The following PPP1R12B variants were observed in gnomAD, a reference collection of about 807,000 sequenced individuals.
PPP1R12B encodes protein phosphatase 1 regulatory subunit 12B.
In PPP1R12B, 76 loss-of-function variants were observed where a neutral mutation model predicts 126.1. The observed-to-expected ratio is 0.60, with a 90% CI of 0.50 to 0.73. The LOEUF (loss-of-function observed/expected upper bound fraction) is 0.73, where lower values mean the gene tolerates loss of function less well. Ranked by LOEUF, PPP1R12B falls within the 30% of genes least tolerant of loss-of-function variation. The probability of loss-of-function intolerance (pLI) is 0.00; values close to 1 mark genes in which losing one functional copy is unlikely to be tolerated. For missense variants in PPP1R12B, 1,052 were observed against 1,205.1 expected (o/e 0.87, Z 1.88); for synonymous variants, 356 against 434.7 (o/e 0.82, Z 2.25).
intron 1 of PPP1R12B, among the ~76,000 whole-genome samples, chr1:202,382,651 T>C (rs1172356518): frequency 6.7e-6 from 1 of 150,208 alleles, no homozygotes; most frequent in East Asian, 2.0e-4. Flanking sequence ...CTGAGGGGGG[T>C]GGATCATTTG....
At chr1:202,439,753 C>T (rs1366050594) in intron 10 of PPP1R12B, 4 of 534,474 alleles carry the variant, frequency 7.5e-6, no homozygotes, top group Non-Finnish European at 1.4e-5. Context: ...GAGGAATGCG[C>T]AGAGTGAGGG....
intron 13 of PPP1R12B, chr1:202,473,804 A>G (rs1217220283): frequency 2.4e-5 from 11 of 453,020 alleles, no homozygotes; most frequent in Non-Finnish European, 4.1e-5. Context: ...GGCTTGCTGT[A>G]TAGCAGTGGC....
At chr1:202,401,339 A>G (rs1469314967) in intron 1 of PPP1R12B, among the ~76,000 whole-genome samples, 2 of 140,428 alleles carry the variant, frequency 1.4e-5, no homozygotes, top group Non-Finnish European at 3.0e-5. Context: ...ACAGTTGTCC[A>G]CCACCATGGC....
Position 202,565,756 on chromosome 1 carries a change from A to T in PPP1R12B, c.2757+1209A>T, listed in dbSNP as rs1687989337. On this transcript the variant is annotated intron_variant, in intron 21 of 23. Transcript: ENST00000608999. The surrounding 1 kb of genome is among the most constrained non-coding windows in gnomAD (Gnocchi z 4.3). ...AGACTTACTGCAACACAAATAGATA[A>T]TAACTAGGCTTAAAGTGATTTTGTG... 6.6e-6 allele frequency among the ~76,000 whole-genome samples: 1 copy of T among 152,216 alleles called. No individual in the cohort carries two copies. The highest frequency in any genetic ancestry group is 6.5e-5 in the Admixed American group (1 of 15,284).
rs1420432558 is a variant in PPP1R12B, at chr1:202,592,415, A to G, written c.*11855A>G. The G allele has an allele frequency of 6.6e-6, 1 of 152,578 alleles. No individual in the cohort carries two copies. The highest frequency in any genetic ancestry group is 6.5e-5 in the Admixed American group (1 of 15,286). 9.5% of individuals were successfully genotyped at this position (152,578 alleles called of 1,614,324 possible). A position where few individuals can be genotyped will look rare whatever the true frequency, so the allele number is the denominator to read the frequency against. ...GAGGAGGCAGGGGTGGGGCTGGGGA[A>G]CAAAGACTTTACACGACATAAAATC... is the stretch of plus-strand genomic sequence containing the variant. On this transcript the variant is annotated 3_prime_UTR_variant, in exon 24 of 24. Transcript: ENST00000608999.
chr1:202,446,114 A>G (rs1672199905), intron 12 of PPP1R12B, among the ~76,000 whole-genome samples: 1 of 151,200 alleles, frequency 6.6e-6, no homozygotes, highest in Non-Finnish European at 1.5e-5. Flanking sequence ...AGGTAAATTT[A>G]TTAGGTCCTT....
intron 1 of PPP1R12B, among the ~76,000 whole-genome samples, chr1:202,372,800 A>C (rs1395580112): frequency 2.0e-5 from 3 of 152,136 alleles, no homozygotes; most frequent in Non-Finnish European, 2.9e-5. Flanking sequence ...AAAAGTAAAA[A>C]ATAAAAGAAA....
chr1:202,554,051 C>G (rs954723346), intron 18 of PPP1R12B, among the ~76,000 whole-genome samples: 1 of 152,112 alleles, frequency 6.6e-6, no homozygotes. Context: ...CTGAGTCAAT[C>G]CAGCCACTCT....
chr1:202,368,675 T>A (rs1218165579), intron 1 of PPP1R12B, among the ~76,000 whole-genome samples: 1 of 151,230 alleles, frequency 6.6e-6, no homozygotes, highest in African/African-American at 2.4e-5. Context: ...TTTCAAGAAA[T>A]ATTAACTATT....
chr1:202,461,723 A>G (rs1361389915), intron 13 of PPP1R12B, among the ~76,000 whole-genome samples: 1 of 152,118 alleles, frequency 6.6e-6, no homozygotes, highest in Admixed American at 6.6e-5. Context: ...AATGTTATAC[A>G]TTATTTTCTG....
chr1:202,428,815 T>C (rs1200808474), intron 5 of PPP1R12B, 40 bp from the exon 6 acceptor site: 5 of 1,566,150 alleles, frequency 3.2e-6, no homozygotes, highest in Non-Finnish European at 3.5e-6. Flanking sequence ...AATTGCTGCT[T>C]CTGTTTTCTA....
At chr1:202,394,610 C>G (rs1479818603) in intron 1 of PPP1R12B, among the ~76,000 whole-genome samples, 1 of 151,742 alleles carries the variant, frequency 6.6e-6, no homozygotes, top group Admixed American at 6.6e-5. Context: ...CAAAATTAGC[C>G]GGGCATGGTG....
At chr1:202,385,346 T>G (rs1379716306) in intron 1 of PPP1R12B, among the ~76,000 whole-genome samples, 1 of 152,206 alleles carries the variant, frequency 6.6e-6, no homozygotes, top group Admixed American at 6.5e-5. Flanking sequence ...CCCAGTGGCT[T>G]CTTCTTAGTT....
At chr1:202,397,667 T>C (rs1487401315) in intron 1 of PPP1R12B, among the ~76,000 whole-genome samples, 5 of 152,152 alleles carry the variant, frequency 3.3e-5, no homozygotes, top group African/African-American at 9.7e-5. Context: ...AGATCTAAAA[T>C]ATAAGAAAAC....
At chr1:202,571,369 T>TA (rs1286932348) in intron 23 of PPP1R12B, among the ~76,000 whole-genome samples, 2 of 152,186 alleles carry the variant, frequency 1.3e-5, no homozygotes, top group African/African-American at 4.8e-5. Flanking sequence ...AAATCAATTG[T>TA]AAATTATCAA....
chr1:202,559,110 C>G (rs1490621436), intron 19 of PPP1R12B, among the ~76,000 whole-genome samples: 2 of 152,234 alleles, frequency 1.3e-5, no homozygotes, highest in Non-Finnish European at 2.9e-5. Flanking sequence ...AGATTCTCCT[C>G]TTTCCAGTTC....
chr1:202,391,391 G>A (rs1003786558), intron 1 of PPP1R12B, among the ~76,000 whole-genome samples: 3 of 152,236 alleles, frequency 2.0e-5, no homozygotes, highest in African/African-American at 7.2e-5. Context: ...AAGTATTGGT[G>A]AGGGTGTGGT....
At chr1:202,362,655 T>TG (rs987664751) in intron 1 of PPP1R12B, among the ~76,000 whole-genome samples, 3 of 150,822 alleles carry the variant, frequency 2.0e-5, no homozygotes, top group East Asian at 1.9e-4. Context: ...GGCCCAGGGT[T>TG]TTTGTTTTTT....
At chr1:202,572,988 A>G (rs1047236148) in intron 23 of PPP1R12B, among the ~76,000 whole-genome samples, 2 of 151,856 alleles carry the variant, frequency 1.3e-5, no homozygotes, top group Non-Finnish European at 2.9e-5. Context: ...GCTTATACTC[A>G]CTTGTCAGAT....
Sources: gnomAD v4.1 joint callset for allele counts (sites outside exome capture counted in the v4.1 genomes callset) on GRCh38, gnomAD v4.1.1 for gene constraint, Gnocchi (gnomAD v3.1) non-coding constraint, MANE v1.5 for transcripts, NCBI Gene and HGNC (gene_info 2026-07-23, HGNC 2026-07-21) for gene names.